The following KCNAB1 variants were observed in gnomAD, a reference collection of about 807,000 sequenced individuals.
KCNAB1 encodes potassium voltage-gated channel subfamily A regulatory beta subunit 1.
A neutral mutation model predicts 64.6 loss-of-function variants in KCNAB1; 35 were observed. The ratio of observed to expected loss-of-function variants is 0.54; its 90% CI spans 0.41 to 0.72. The LOEUF (loss-of-function observed/expected upper bound fraction) is 0.72. Ranked by LOEUF, KCNAB1 falls within the 30% of genes least tolerant of loss-of-function variation. The pLI is 0.00. For missense variants in KCNAB1, 401 were observed against 512.9 expected (o/e 0.78, Z 2.11); for synonymous variants, 177 against 183.8 (o/e 0.96, Z 0.30).
intron 1 of KCNAB1, among the ~76,000 whole-genome samples, chr3:156,287,303 G>A (rs1420343928): frequency 6.7e-6 from 1 of 149,838 alleles, no homozygotes; most frequent in East Asian, 2.0e-4. Context: ...GCAAAGTGTA[G>A]GAGTAAGTCA....
intron 12 of KCNAB1, among the ~76,000 whole-genome samples, chr3:156,529,491 TAA>T (rs11445692): frequency 6.8e-6 from 1 of 146,022 alleles, no homozygotes; most frequent in Non-Finnish European, 1.5e-5. Context: ...TAAAGTTGGT[TAA>T]AAAAAAAAAA....
Position 156,207,767 on chromosome 3 carries a change from A to G in KCNAB1, c.275+86881A>G, listed in dbSNP as rs1180135904. On this transcript the variant is annotated intron_variant, in intron 1 of 13. Coordinates refer to ENST00000490337, the MANE Select transcript of KCNAB1 (RefSeq NM_172160.3). ...TTCAAGCAGGTCTTCCCGTTGCACA[A>G]CCTCAGGGGTGTCATTCACAGGATA... Among the ~76,000 whole-genome samples the G allele has an allele frequency of 3.3e-5, 5 of 152,102 alleles. No individual in the cohort carries two copies. In the South Asian group the frequency reaches 8.3e-4, roughly 25 times the overall value.
At chr3:156,437,748 A>G (rs1465617394) in intron 2 of KCNAB1, among the ~76,000 whole-genome samples, 1 of 152,234 alleles carries the variant, frequency 6.6e-6, no homozygotes, top group Non-Finnish European at 1.5e-5. Context: ...GAGAATCTTG[A>G]AGGAATAGTC....
At chr3:156,337,602 G>A (rs73014161) in intron 1 of KCNAB1, among the ~76,000 whole-genome samples, 4,319 of 152,268 alleles carry the variant, frequency 0.028, 204 homozygotes, top group African/African-American at 0.098. Flanking sequence ...TTCACTGTGT[G>A]TGGTTGATAG....
intron 12 of KCNAB1, among the ~76,000 whole-genome samples, chr3:156,529,786 G>A (rs367856140): frequency 8.5e-5 from 13 of 152,346 alleles, no homozygotes; most frequent in African/African-American, 2.9e-4. Context: ...CCAGATTGGG[G>A]AGCCACATTG....
intron 1 of KCNAB1, among the ~76,000 whole-genome samples, chr3:156,255,783 A>C (rs1718069098): frequency 6.6e-6 from 1 of 152,192 alleles, no homozygotes; most frequent in Non-Finnish European, 1.5e-5. Flanking sequence ...CTCAGAATGA[A>C]TCTCTCCTTG....
intron 1 of KCNAB1, among the ~76,000 whole-genome samples, chr3:156,363,816 C>T (rs779043128): frequency 2.7e-4 from 41 of 152,122 alleles, no homozygotes; most frequent in Admixed American, 5.2e-4. Flanking sequence ...GTTTACAAGG[C>T]GACTACATAA....
intron 7 of KCNAB1, among the ~76,000 whole-genome samples, chr3:156,466,858 T>C (rs1713430518): frequency 6.6e-6 from 1 of 152,084 alleles, no homozygotes; most frequent in Non-Finnish European, 1.5e-5. Context: ...TTCTTGCTTG[T>C]CTATATATTA....
intron 2 of KCNAB1, among the ~76,000 whole-genome samples, chr3:156,421,938 T>C (rs139557503): frequency 6.6e-6 from 1 of 152,294 alleles, no homozygotes; most frequent in East Asian, 1.9e-4. Context: ...CACTCCCATT[T>C]AGCAAGCATG....
At chr3:156,426,726 G>T (rs1272407917) in intron 2 of KCNAB1, among the ~76,000 whole-genome samples, 1 of 152,260 alleles carries the variant, frequency 6.6e-6, no homozygotes, top group East Asian at 1.9e-4. Context: ...GAATCATATA[G>T]TATGTAGCCT....
intron 1 of KCNAB1, among the ~76,000 whole-genome samples, chr3:156,384,222 G>A (rs985105048): frequency 6.6e-6 from 1 of 152,190 alleles, no homozygotes; most frequent in African/African-American, 2.4e-5. Flanking sequence ...AACCCAGAGT[G>A]GCTAAAGCTG....
chr3:156,500,507 C>T (rs1168787371), intron 8 of KCNAB1, among the ~76,000 whole-genome samples: 1 of 152,030 alleles, frequency 6.6e-6, no homozygotes, highest in Non-Finnish European at 1.5e-5. Flanking sequence ...CAACCCAAAG[C>T]TCAAGAGAAT....
chr3:156,240,719 A>G (rs1199883819), intron 1 of KCNAB1, among the ~76,000 whole-genome samples: 1 of 152,192 alleles, frequency 6.6e-6, no homozygotes, highest in Non-Finnish European at 1.5e-5. Context: ...CAACGTTAAC[A>G]TTACTATGCC....
chr3:156,217,087 CAAAGGCATGAA>C (rs927684874), intron 1 of KCNAB1: 2 of 152,136 alleles, frequency 1.3e-5, no homozygotes, highest in African/African-American at 4.8e-5. Flanking sequence ...TGATGTTTGC[CAAAGGCATGAA>C]AACAGCATTT....
At chr3:156,281,061 C>T (rs1436556457) in intron 1 of KCNAB1, among the ~76,000 whole-genome samples, 75 of 151,688 alleles carry the variant, frequency 4.9e-4, no homozygotes, top group African/African-American at 1.6e-3. Flanking sequence ...AAGGGAATGC[C>T]TCCAGTTTTT....
intron 6 of KCNAB1, among the ~76,000 whole-genome samples, chr3:156,464,689 C>T (rs1026967012): frequency 6.6e-6 from 1 of 151,838 alleles, no homozygotes; most frequent in South Asian, 2.1e-4. Flanking sequence ...TGGTTTTGAG[C>T]CTATTTATAA....
At chr3:156,410,775 T>C (rs1237800895) in intron 1 of KCNAB1, among the ~76,000 whole-genome samples, 1 of 152,222 alleles carries the variant, frequency 6.6e-6, no homozygotes, top group East Asian at 1.9e-4. Context: ...AAAATGCCTT[T>C]AATTCTTTTT....
At chr3:156,251,763 C>A (rs1453496558) in intron 1 of KCNAB1, among the ~76,000 whole-genome samples, 1 of 152,116 alleles carries the variant, frequency 6.6e-6, no homozygotes, top group East Asian at 1.9e-4. Flanking sequence ...AGAGGAATCC[C>A]AGAATTTTCA....
intron 13 of KCNAB1, among the ~76,000 whole-genome samples, chr3:156,534,301 G>A (rs1718898601): frequency 6.6e-6 from 1 of 152,196 alleles, no homozygotes; most frequent in Non-Finnish European, 1.5e-5. Flanking sequence ...TGCCTAAGAT[G>A]TGCAGGAACG....
Sources: allele counts gnomAD v4.1 joint callset (sites outside exome capture counted in the v4.1 genomes callset), GRCh38; gene constraint gnomAD v4.1.1; transcripts MANE v1.5; gene names NCBI Gene and HGNC (gene_info 2026-07-23, HGNC 2026-07-21).